FRAS1: variants seen among roughly 807,000 people sequenced by gnomAD.
FRAS1 encodes extracellular matrix organizing protein FRAS1.
A neutral mutation model predicts 435.2 loss-of-function variants in FRAS1; 290 were observed. The ratio of observed to expected loss-of-function variants is 0.67; its 90% CI spans 0.61 to 0.73. The LOEUF is 0.73. Ranked by LOEUF, FRAS1 falls within the 30% of genes least tolerant of loss-of-function variation. The pLI is 0.00. For synonymous variants in FRAS1, 1,800 were observed against 1,851.0 expected (o/e 0.97, Z 0.71); for missense variants, 4,860 against 5,001.5 (o/e 0.97, Z 0.85).
chr4:78,416,070 A>G (rs949968689), intron 32 of FRAS1, among the ~76,000 whole-genome samples: 24 of 152,244 alleles, frequency 1.6e-4, no homozygotes, highest in Non-Finnish European at 8.8e-5. Context: ...AATGTGATAC[A>G]GACGTACACA....
chr4:78,100,861 G>A (rs975835861), intron 2 of FRAS1, among the ~76,000 whole-genome samples: 2 of 152,202 alleles, frequency 1.3e-5, no homozygotes, highest in African/African-American at 4.8e-5. Context: ...TTCCTGGAGA[G>A]CACACGTGTT....
intron 2 of FRAS1, among the ~76,000 whole-genome samples, chr4:78,102,844 A>G (rs1010940011): frequency 2.0e-5 from 3 of 152,012 alleles, no homozygotes; most frequent in African/African-American, 7.3e-5. Flanking sequence ...ACATTGAGCA[A>G]CTCTCCTATT....
At chr4:78,393,610 T>C (rs1256035858) in intron 29 of FRAS1, among the ~76,000 whole-genome samples, 4 of 152,124 alleles carry the variant, frequency 2.6e-5, no homozygotes, top group Non-Finnish European at 5.9e-5. Flanking sequence ...AATAGCAGGA[T>C]TTCCTTCACT....
At chr4:78,201,058 CT>C (rs1483720033) in intron 2 of FRAS1, among the ~76,000 whole-genome samples, 2 of 151,966 alleles carry the variant, frequency 1.3e-5, no homozygotes, top group African/African-American at 4.8e-5. Context: ...TTTGTTCATA[CT>C]TTTCTGATCT....
At chr4:78,124,204 GGCCTTTTCT>G (rs1229022651) in intron 2 of FRAS1, among the ~76,000 whole-genome samples, 1 of 152,144 alleles carries the variant, frequency 6.6e-6, no homozygotes, top group Non-Finnish European at 1.5e-5. Flanking sequence ...TTTTGTCAAA[GGCCTTTTCT>G]GCATCTATTG....
intron 35 of FRAS1, among the ~76,000 whole-genome samples, chr4:78,427,318 G>T (rs557793215): frequency 3.4e-4 from 51 of 152,112 alleles, no homozygotes; most frequent in Non-Finnish European, 6.5e-4. Flanking sequence ...CTCACCAAAT[G>T]TACCCCCTCA....
At chr4:78,117,021 G>T (rs1276001845) in intron 2 of FRAS1, among the ~76,000 whole-genome samples, 2 of 152,118 alleles carry the variant, frequency 1.3e-5, no homozygotes, top group Non-Finnish European at 2.9e-5. Context: ...TTTAGGGCAG[G>T]CCTGGTGGCG....
chr4:78,128,794 G>C (rs995157954), intron 2 of FRAS1, among the ~76,000 whole-genome samples: 1 of 152,092 alleles, frequency 6.6e-6, no homozygotes. Context: ...TTTTGTTGCT[G>C]TTGCTTTTGG....
intron 65 of FRAS1, 97 bp downstream of exon 65, chr4:78,513,649 G>A: frequency 8.8e-7 from 1 of 1,137,264 alleles, no homozygotes; most frequent in South Asian, 1.4e-5. Flanking sequence ...CATGTTTTCT[G>A]GTCCTCAGAA....
chr4:78,234,481 C>T (rs1191813267), intron 2 of FRAS1, among the ~76,000 whole-genome samples: 1 of 152,046 alleles, frequency 6.6e-6, no homozygotes, highest in Non-Finnish European at 1.5e-5. Context: ...CGCCTCGGCC[C>T]CCGAAAGTGC....
chr4:78,396,617 T>C (rs1732679645), intron 29 of FRAS1, among the ~76,000 whole-genome samples: 1 of 152,214 alleles, frequency 6.6e-6, no homozygotes, highest in Non-Finnish European at 1.5e-5. Flanking sequence ...TGCCCTTTGC[T>C]CTTTCTCTGC....
intron 20 of FRAS1, among the ~76,000 whole-genome samples, chr4:78,357,312 G>T (rs1730893255): frequency 6.6e-6 from 1 of 152,128 alleles, no homozygotes; most frequent in Non-Finnish European, 1.5e-5. Flanking sequence ...CTCCACCTCA[G>T]TGTCCACCAT....
At chr4:78,383,862 A>G (rs1732116312) in intron 27 of FRAS1, among the ~76,000 whole-genome samples, 197 bp from the exon 28 acceptor site, 1 of 152,152 alleles carries the variant, frequency 6.6e-6, no homozygotes. Flanking sequence ...TTAAGAACAC[A>G]CAGTATTTTT....
chr4:78,341,411 G>A (rs535241841), intron 20 of FRAS1, among the ~76,000 whole-genome samples: 3 of 152,116 alleles, frequency 2.0e-5, no homozygotes, highest in Non-Finnish European at 4.4e-5. Context: ...AAAGATCTGC[G>A]GAAGATGGCT....
intron 35 of FRAS1, among the ~76,000 whole-genome samples, chr4:78,426,142 C>T (rs935130249): frequency 3.9e-5 from 6 of 152,222 alleles, no homozygotes; most frequent in Non-Finnish European, 7.4e-5. Context: ...ACAGTAGAAG[C>T]AGGATTTTAA....
intron 66 of FRAS1, among the ~76,000 whole-genome samples, chr4:78,517,112 G>C (rs1721236424): frequency 6.6e-6 from 1 of 152,152 alleles, no homozygotes; most frequent in South Asian, 2.1e-4. Flanking sequence ...TTTCAAATCA[G>C]GTTTATCCTC....
chr4:78,237,704 C>G, intron 3 of FRAS1, 87 bp downstream of exon 3: 1 of 585,842 alleles, frequency 1.7e-6, no homozygotes, highest in Non-Finnish European at 2.8e-6. Context: ...CTGTTTTTGA[C>G]ATTTATTCTA....
At chr4:78,146,692 A>C (rs1370747642) in intron 2 of FRAS1, among the ~76,000 whole-genome samples, 2 of 152,112 alleles carry the variant, frequency 1.3e-5, no homozygotes, top group Non-Finnish European at 2.9e-5. Context: ...ATTTCCTCTA[A>C]AAATATTTCA....
At chr4:78,233,524 G>C (rs1473192988) in intron 2 of FRAS1, among the ~76,000 whole-genome samples, 4 of 150,130 alleles carry the variant, frequency 2.7e-5, no homozygotes, top group Non-Finnish European at 5.9e-5. Flanking sequence ...GAAATAGTTA[G>C]AAGACATTTG....
Sources: gnomAD v4.1 joint callset for allele counts (sites outside exome capture counted in the v4.1 genomes callset) on GRCh38, gnomAD v4.1.1 for gene constraint, MANE v1.5 for transcripts, NCBI Gene and HGNC (gene_info 2026-07-23, HGNC 2026-07-21) for gene names.